Variants in DOK6 observed in about 807,000 individuals in gnomAD.
DOK6 encodes docking protein 6.
DOK6 carries 22 observed loss-of-function variants against 44.0 expected under a neutral mutation model. That is an observed-to-expected ratio of 0.50 (90% CI 0.36 to 0.71). The LOEUF (loss-of-function observed/expected upper bound fraction) is 0.71, where lower values mean the gene tolerates loss of function less well. Among genes scored for constraint, DOK6 ranks in the 30% least tolerant of loss-of-function variants. DOK6 has a pLI of 0.00. For synonymous variants in DOK6, 166 were observed against 145.5 expected (o/e 1.14, Z -1.01); for missense variants, 340 against 416.4 (o/e 0.82, Z 1.60).
At chr18:69,408,439 CAAAAAA>C (rs35285941) in intron 1 of DOK6, among the ~76,000 whole-genome samples, 45 of 138,854 alleles carry the variant, frequency 3.2e-4, no homozygotes, top group African/African-American at 1.0e-3. Context: ...CCTCTCCTTT[CAAAAAA>C]AAAAAAAAAT....
chr18:69,555,477 A>G (rs1385891775), intron 1 of DOK6, among the ~76,000 whole-genome samples: 1 of 152,212 alleles, frequency 6.6e-6, no homozygotes, highest in African/African-American at 2.4e-5. Context: ...TTATCCAACT[A>G]TCCCAGAGCT....
intron 1 of DOK6, among the ~76,000 whole-genome samples, chr18:69,551,415 T>A (rs1982562866): frequency 6.6e-6 from 1 of 152,240 alleles, no homozygotes; most frequent in Non-Finnish European, 1.5e-5. Context: ...ATAGGGGTTT[T>A]AATTTTCAAC....
rs78047057 is a variant in DOK6 at position 69,703,706 on chromosome 18, A to G, written c.599+5113A>G. Among the ~76,000 whole-genome samples the G allele has an allele frequency of 5.6e-3, 855 of 152,244 alleles. 9 individuals are homozygous for G. The highest frequency in any genetic ancestry group is 0.02 in the African/African-American group (834 of 41,536). On this transcript the variant is annotated intron_variant, in intron 5 of 7. Coordinates refer to ENST00000382713, the MANE Select transcript of DOK6 (RefSeq NM_152721.6). The stretch of plus-strand genomic sequence containing the variant: ...AGACATCTTCATGCTAACCTACCTC[A>G]TTGCCATGCATAGCAGGGGAAGAAG...
At chr18:69,617,408 G>A (rs1186988363) in intron 3 of DOK6, among the ~76,000 whole-genome samples, 8 of 149,984 alleles carry the variant, frequency 5.3e-5, no homozygotes, top group Admixed American at 2.0e-4. Context: ...AAGACTGAGC[G>A]ATAGGAGAAA....
chr18:69,535,781 CTG>C (rs1362608425), intron 1 of DOK6, among the ~76,000 whole-genome samples: 2 of 151,808 alleles, frequency 1.3e-5, no homozygotes, highest in African/African-American at 4.8e-5. Context: ...CATTATGAAA[CTG>C]TGGATTTCAG....
chr18:69,471,883 T>C (rs2122490290), intron 1 of DOK6: 1 of 152,342 alleles, frequency 6.6e-6, no homozygotes, highest in East Asian at 1.9e-4. Context: ...AATTCTGTTT[T>C]GCCCTATTTT....
intron 2 of DOK6, among the ~76,000 whole-genome samples, chr18:69,592,092 A>G (rs1255780571): frequency 6.6e-6 from 1 of 152,024 alleles, no homozygotes; most frequent in Non-Finnish European, 1.5e-5. Context: ...TAATTCATTT[A>G]TTATTTTTTA....
chr18:69,792,728 T>C (rs1311952064), intron 7 of DOK6, among the ~76,000 whole-genome samples: 1 of 152,056 alleles, frequency 6.6e-6, no homozygotes, highest in Non-Finnish European at 1.5e-5. Flanking sequence ...GTGACCCAAA[T>C]TCCAGTATGT....
chr18:69,580,863 C>T (rs912290200), intron 2 of DOK6, among the ~76,000 whole-genome samples: 8 of 151,752 alleles, frequency 5.3e-5, no homozygotes, highest in Non-Finnish European at 1.2e-4. Context: ...CTCTAATAAC[C>T]ACAATTCTAC....
chr18:69,733,456 A>G (rs751930216), intron 5 of DOK6, among the ~76,000 whole-genome samples: 1 of 152,214 alleles, frequency 6.6e-6, no homozygotes, highest in East Asian at 1.9e-4. Flanking sequence ...GATATTTTGA[A>G]GTATACAAAC....
intron 1 of DOK6, among the ~76,000 whole-genome samples, chr18:69,429,852 C>A (rs1298908003): frequency 6.6e-6 from 1 of 151,674 alleles, no homozygotes; most frequent in Non-Finnish European, 1.5e-5. Flanking sequence ...TTGCTCTTAT[C>A]TCTGGAATTT....
chr18:69,796,284 A>G (rs1049560390), intron 7 of DOK6, among the ~76,000 whole-genome samples: 3 of 152,168 alleles, frequency 2.0e-5, no homozygotes, highest in Non-Finnish European at 4.4e-5. Flanking sequence ...TCTAATCCCC[A>G]GTTCTGCCAT....
intron 1 of DOK6, among the ~76,000 whole-genome samples, chr18:69,419,473 A>G (rs1185722184): frequency 6.6e-6 from 1 of 152,170 alleles, no homozygotes; most frequent in Non-Finnish European, 1.5e-5. Flanking sequence ...TTACTTTTCA[A>G]AAGAAAAGTA....
At chr18:69,409,420 T>C (rs1191590215) in intron 1 of DOK6, among the ~76,000 whole-genome samples, 1 of 152,222 alleles carries the variant, frequency 6.6e-6, no homozygotes, top group Non-Finnish European at 1.5e-5. Context: ...GGCATGTTTA[T>C]GTGTGTATGT....
chr18:69,439,975 C>G (rs1308421841), intron 1 of DOK6, among the ~76,000 whole-genome samples: 1 of 152,162 alleles, frequency 6.6e-6, no homozygotes, highest in Non-Finnish European at 1.5e-5. Context: ...TTATTTTTAG[C>G]TTAATGATTT....
intron 6 of DOK6, among the ~76,000 whole-genome samples, chr18:69,747,322 A>G (rs577766556): frequency 6.6e-6 from 1 of 152,338 alleles, no homozygotes; most frequent in South Asian, 2.1e-4. Flanking sequence ...TTTTATACAA[A>G]TGAATTTTAT....
At chr18:69,473,230 G>T (rs1980166837) in intron 1 of DOK6, among the ~76,000 whole-genome samples, 1 of 152,104 alleles carries the variant, frequency 6.6e-6, no homozygotes, top group African/African-American at 2.4e-5. Flanking sequence ...TGAATGTCAG[G>T]TAAACAATGA....
intron 7 of DOK6, among the ~76,000 whole-genome samples, chr18:69,816,196 G>A (rs1051939071): frequency 6.6e-6 from 1 of 152,030 alleles, no homozygotes; most frequent in Admixed American, 6.6e-5. Context: ...CCTATTTTGG[G>A]TTATTGAAGA....
chr18:69,594,120 T>TA (rs916550697), intron 2 of DOK6, among the ~76,000 whole-genome samples: 8 of 152,024 alleles, frequency 5.3e-5, no homozygotes, highest in African/African-American at 1.9e-4. Flanking sequence ...TCACTCTTCC[T>TA]AAAAAACTTC....
Sources: gnomAD v4.1 joint callset for allele counts (sites outside exome capture counted in the v4.1 genomes callset) on GRCh38, gnomAD v4.1.1 for gene constraint, MANE v1.5 for transcripts, NCBI Gene and HGNC (gene_info 2026-07-23, HGNC 2026-07-21) for gene names.